The following LIPN variants were observed in gnomAD, a reference collection of about 807,000 sequenced individuals.
The protein encoded by LIPN is lipase family member N, also known as lipase member N.
In LIPN, 32 loss-of-function variants were observed where a neutral mutation model predicts 43.7. The observed-to-expected ratio is 0.73, with a 90% CI of 0.55 to 0.98. LIPN has a LOEUF of 0.98. Ranked by LOEUF, LIPN falls within the 50% of genes least tolerant of loss-of-function variation. LIPN has a pLI of 0.00. For missense variants in LIPN, 505 were observed against 483.8 expected (o/e 1.04, Z -0.41); for synonymous variants, 156 against 157.6 (o/e 0.99, Z 0.08).
intron 2 of LIPN, among the ~76,000 whole-genome samples, chr10:88,761,987 C>A (rs764423756): frequency 1.4e-4 from 22 of 151,966 alleles, no homozygotes; most frequent in Non-Finnish European, 2.4e-4. Context: ...TCCCCCAACC[C>A]CCCAAAATAT....
intron 6 of LIPN, among the ~76,000 whole-genome samples, chr10:88,769,363 G>A (rs1215361353): frequency 6.6e-6 from 1 of 151,800 alleles, no homozygotes; most frequent in Non-Finnish European, 1.5e-5. Context: ...CTTCCAATAT[G>A]GAAACTTGCC....
At chr10:88,767,633 T>C (rs1242159115) in intron 5 of LIPN, among the ~76,000 whole-genome samples, 3 of 94,670 alleles carry the variant, frequency 3.2e-5, no homozygotes, top group Non-Finnish European at 6.2e-5. Flanking sequence ...TATGCTCTTA[T>C]ACTTGATCTG....
chr10:88,771,087 TG>T, intron 7 of LIPN, 96 bp downstream of exon 7: 1 of 1,085,730 alleles, frequency 9.2e-7, no homozygotes, highest in South Asian at 1.7e-5. Context: ...TAAATTCATA[TG>T]GTATTCCAAA....
intron 4 of LIPN, among the ~76,000 whole-genome samples, chr10:88,764,889 A>G (rs181887476): frequency 2.0e-5 from 3 of 152,126 alleles, no homozygotes; most frequent in East Asian, 1.9e-4. Flanking sequence ...TATCATGACC[A>G]ATGTGCACAT....
intron 6 of LIPN, chr10:88,769,506 T>C: frequency 1.2e-6 from 1 of 809,964 alleles, no homozygotes; most frequent in Non-Finnish European, 1.5e-6. Flanking sequence ...ATTTTATCTA[T>C]TAAAGGGTTT....
intron 1 of LIPN, among the ~76,000 whole-genome samples, chr10:88,760,863 C>T (rs1313555043): frequency 3.3e-5 from 5 of 152,110 alleles, no homozygotes; most frequent in Non-Finnish European, 7.4e-5. Flanking sequence ...TAAACCATGG[C>T]AAGGAAGTGA....
At chr10:88,769,598 G>A in intron 6 of LIPN, 6 of 983,998 alleles carry the variant, frequency 6.1e-6, no homozygotes, top group Non-Finnish European at 6.0e-6. Flanking sequence ...TTCCAGATTG[G>A]CCTTTGAACT....
chr10:88,764,632 A>C (rs778638308), intron 4 of LIPN, 24 bp downstream of exon 4: 198 of 1,533,604 alleles, frequency 1.3e-4, no homozygotes, highest in Non-Finnish European at 1.6e-4. Context: ...AAGAAAACTC[A>C]AGGGGGAAAT....
rs1158739072 is a variant in LIPN at position 88,779,330 on chromosome 10, C to G, written c.*1088C>G. On this transcript the variant is annotated 3_prime_UTR_variant, in exon 10 of 10. Coordinates refer to ENST00000404459, the MANE Select transcript of LIPN (RefSeq NM_001102469.2). The stretch of plus-strand genomic sequence containing the variant: ...GCCAGCTCCATAATACTTTCCTGCT[C>G]TGCTGGCAAATCCACAAGCTGCTGG... Among the ~76,000 whole-genome samples the G allele has an allele frequency of 6.6e-6, 1 of 152,182 alleles. No individual in the cohort carries two copies. The highest frequency in any genetic ancestry group is 1.5e-5 in the Non-Finnish European group (1 of 68,040).
chr10:88,770,719 G>GTTGTC (rs1254335732), intron 6 of LIPN, 126 bp from the exon 7 acceptor site: 1 of 553,246 alleles, frequency 1.8e-6, no homozygotes, highest in African/African-American at 1.9e-5. Context: ...TGCTATTTGG[G>GTTGTC]CTTGTTGTCC....
chr10:88,761,944 C>T (rs1362467618), intron 2 of LIPN, among the ~76,000 whole-genome samples: 2 of 152,014 alleles, frequency 1.3e-5, no homozygotes, highest in Non-Finnish European at 2.9e-5. Flanking sequence ...GATAATATAG[C>T]TTTGTCAGAA....
chr10:88,779,340 AT>A lies in LIPN; in HGVS notation c.*1099del, dbSNP rs1843348829. On this transcript the variant is annotated 3_prime_UTR_variant, in exon 10 of 10. Coordinates refer to ENST00000404459, the MANE Select transcript of LIPN (RefSeq NM_001102469.2). ...TAATACTTTCCTGCTCTGCTGGCAA[AT>A]CCACAAGCTGCTGGCCCCTGGAGCC... 6.6e-6 allele frequency among the ~76,000 whole-genome samples: 1 copy of A among 152,182 alleles called. No individual in the cohort carries two copies. The highest frequency in any genetic ancestry group is 1.5e-5 in the Non-Finnish European group (1 of 68,040).
chr10:88,773,475 G>C (rs1442759290), intron 7 of LIPN, among the ~76,000 whole-genome samples: 2 of 151,746 alleles, frequency 1.3e-5, no homozygotes, highest in African/African-American at 4.8e-5. Context: ...CTTTTGTTTT[G>C]AAGTAAAACC....
chr10:88,774,071 A>G (rs938664453), intron 7 of LIPN, among the ~76,000 whole-genome samples: 2 of 152,062 alleles, frequency 1.3e-5, no homozygotes, highest in African/African-American at 4.8e-5. Context: ...AAAGCTGATC[A>G]TTAACAACAA....
chr10:88,764,657 A>G, intron 4 of LIPN, 49 bp downstream of exon 4: 1 of 1,355,162 alleles, frequency 7.4e-7, no homozygotes, highest in Middle Eastern at 1.9e-4. Context: ...GGCAATTTAA[A>G]AAAAATAACG....
chr10:88,777,514 C>T (rs571591987), intron 9 of LIPN, among the ~76,000 whole-genome samples: 3 of 151,736 alleles, frequency 2.0e-5, no homozygotes, highest in Middle Eastern at 3.4e-3. Context: ...CCAAAACTTC[C>T]GCAATATGTC....
chr10:88,761,718 G>T (rs1843000070), intron 2 of LIPN, among the ~76,000 whole-genome samples: 1 of 145,754 alleles, frequency 6.9e-6, no homozygotes, highest in African/African-American at 2.5e-5. Context: ...GTGCTATTGT[G>T]CTATCTATCT....
intron 6 of LIPN, 67 bp from the exon 7 acceptor site, chr10:88,770,778 C>G: frequency 1.1e-6 from 1 of 942,866 alleles, no homozygotes; most frequent in Non-Finnish European, 1.6e-6. Context: ...GTTACTAATC[C>G]CTTGTAATAT....
At chr10:88,768,063 T>G (rs11202847) in intron 5 of LIPN, among the ~76,000 whole-genome samples, 1 of 106,542 alleles carries the variant, frequency 9.4e-6, no homozygotes, top group South Asian at 4.2e-4. Context: ...CACACACACA[T>G]GCCAGTGGAG....
Sources: allele counts gnomAD v4.1 joint callset (sites outside exome capture counted in the v4.1 genomes callset), GRCh38; gene constraint gnomAD v4.1.1; transcripts MANE v1.5; gene names NCBI Gene and HGNC (gene_info 2026-07-23, HGNC 2026-07-21).